PADI3: variants seen among roughly 807,000 people sequenced by gnomAD.
The protein encoded by PADI3 is protein-arginine deiminase type-3.
PADI3 carries 53 observed loss-of-function variants against 71.5 expected under a neutral mutation model. That is an observed-to-expected ratio of 0.74 (90% CI 0.59 to 0.93). The LOEUF is 0.93. PADI3 is among the 40% of genes least tolerant of loss of function. PADI3 has a pLI of 0.00. For synonymous variants in PADI3, 361 were observed against 347.5 expected (o/e 1.04, Z -0.43); for missense variants, 821 against 868.0 (o/e 0.95, Z 0.68).
chr1:17,251,001 C>T (rs2072959572), intron 1 of PADI3, among the ~76,000 whole-genome samples: 2 of 152,206 alleles, frequency 1.3e-5, no homozygotes, highest in African/African-American at 4.8e-5. Context: ...GCTCTGATAC[C>T]TTCAAATGAG....
intron 1 of PADI3, among the ~76,000 whole-genome samples, chr1:17,256,104 C>A (rs2073023846): frequency 6.6e-6 from 1 of 152,186 alleles, no homozygotes; most frequent in Admixed American, 6.5e-5. Flanking sequence ...CCTCTTGGTG[C>A]CTTCCCTGGG....
rs377335510 is a variant in PADI3 at position 17,276,770 on chromosome 1, G to A, written c.1453-4G>A. The A allele has an allele frequency of 2.2e-5, 36 of 1,613,622 alleles. No homozygotes were observed. In the African/African-American group the frequency reaches 2.9e-4, roughly 13 times the overall value. ...GCTCAGCTGAATCTGTTCTCTGCAC[G>A]CAGGGCTTCCGGATGCTCCTGGCCA... On this transcript the variant is annotated splice_region_variant and splice_polypyrimidine_tract_variant and intron_variant, in intron 12 of 15. Coordinates refer to ENST00000375460, the MANE Select transcript of PADI3 (RefSeq NM_016233.2).
At chr1:17,254,657 C>T (rs1286774798) in intron 1 of PADI3, among the ~76,000 whole-genome samples, 5 of 151,582 alleles carry the variant, frequency 3.3e-5, no homozygotes, top group East Asian at 1.9e-4. Flanking sequence ...GGGTGATACA[C>T]GAGGGGGATG....
Position 17,265,729 on chromosome 1 carries a change from C to T in PADI3, c.408+9C>T, listed in dbSNP as rs1054780957. On this transcript the variant is annotated intron_variant, in intron 4 of 15. Coordinates refer to ENST00000375460, the MANE Select transcript of PADI3 (RefSeq NM_016233.2). ...GGAACTTTGTAGACAAGGTAAGCATCTCTGCCTGGGCCCAGGAAGCAGGAG... is the reference window on the plus strand; with the variant it reads ...GGAACTTTGTAGACAAGGTAAGCATTTCTGCCTGGGCCCAGGAAGCAGGAG... 1.9e-6 allele frequency: 3 copies of T among 1,613,590 alleles called. No homozygotes were observed. Among genetic ancestry groups the T allele is most frequent in the Admixed American group, 1.7e-5 (1 of 60,020 alleles).
chr1:17,274,394 C>T (rs1049473753), intron 10 of PADI3, among the ~76,000 whole-genome samples: 5 of 152,262 alleles, frequency 3.3e-5, no homozygotes, highest in Non-Finnish European at 5.9e-5. Context: ...GCGCCCCCTG[C>T]TGTCTTGCCG....
Position 17,266,817 on chromosome 1 carries a change from G to A in PADI3, c.507G>A (p.Gln169=), listed in dbSNP as rs1388902402. 2 of 1,613,732 alleles carry A rather than the reference G, an allele frequency of 1.2e-6. No homozygotes were observed. Among genetic ancestry groups the A allele is most frequent in the African/African-American group, 2.7e-5 (2 of 74,904 alleles). The change falls in exon 5 of 16, where the codon CAG becomes CAA. Residue 169 remains glutamine (Q), a synonymous_variant. Coordinates refer to ENST00000375460, the MANE Select transcript of PADI3 (RefSeq NM_016233.2). ...PSCDVQDNCD[Q]HVHCLQDLED... ...GTGATGTCCAGGACAATTGTGACCA[G>A]CACGTGCACTGCCTGCAAGGTGAGG...
chr1:17,268,038 C>T lies in PADI3; in HGVS notation c.652+76C>T. 1.9e-6 allele frequency: 3 copies of T among 1,571,588 alleles called. No individual in the cohort carries two copies. In the South Asian group the frequency reaches 3.4e-5, roughly 18 times the overall value. On this transcript the variant is annotated intron_variant, in intron 6 of 15. Coordinates refer to ENST00000375460, the MANE Select transcript of PADI3 (RefSeq NM_016233.2). ...CTACCAGGGAACCTCCTGTTCCTGC[C>T]TTGGGCCATGGGCAGGTCCTGCTTA...
In PADI3 at chr1:17,283,114, C is replaced by CCCGCCCCA; in HGVS notation, c.*35_*36insCCGCCCCA. 2 of 1,548,784 alleles carry CCCGCCCCA rather than the reference C, an allele frequency of 1.3e-6. No homozygotes were observed. The highest frequency in any genetic ancestry group is 1.8e-6 in the Non-Finnish European group (2 of 1,123,584). ...CACCCACCATCCTGTCCCCCTGGGG[C>CCCGCCCCA]GGGCATTGGCCCAGGTGGTGGAGAC... On this transcript the variant is annotated 3_prime_UTR_variant, in exon 16 of 16. Coordinates refer to ENST00000375460, the MANE Select transcript of PADI3 (RefSeq NM_016233.2).
chr1:17,259,639 A>G lies in PADI3; in HGVS notation c.154A>G (p.Ile52Val), dbSNP rs3750300. 157,630 of 1,613,328 alleles carry G rather than the reference A, an allele frequency of 0.098. 8,568 individuals carry two copies. Among genetic ancestry groups the G allele is most frequent in the South Asian group, 0.2 (17,785 of 90,940 alleles). Residue 52 changes from isoleucine to valine, a missense_variant, in exon 2 of 16, where the codon ATC (isoleucine) becomes GTC (valine). Ile to Val is a conservative substitution (Grantham distance 29). Transcript: ENST00000375460. ...VYGTPGVDIYISPNMERGRER... is the reference protein window; with the variant it reads ...VYGTPGVDIYVSPNMERGRER... ...TGGGACGCCTGGCGTGGACATCTAC[A>G]TCTCTCCCAACATGGAGAGGGGCCG...
Position 17,282,900 on chromosome 1 carries a change from A to G in PADI3, c.1816A>G (p.Ile606Val). 4 of 1,614,088 alleles carry G rather than the reference A, an allele frequency of 2.5e-6. No individual in the cohort carries two copies. The highest frequency in any genetic ancestry group is 1.1e-5 in the South Asian group (1 of 91,078). The change falls in exon 16 of 16, where the codon ATC becomes GTC. Residue 606 changes from isoleucine (I) to valine (V), a missense_variant. Ile to Val is a conservative substitution (Grantham distance 29, BLOSUM62 3). Transcript: ENST00000375460. ...HLGIPKPFGP[I>V]INGCCCLEEK... is the part of the protein sequence containing the mutation. ...GGGCATCCCCAAGCCCTTTGGGCCCATCATCAATGGCTGCTGCTGCCTGGA... is the reference window on the plus strand; with the variant it reads ...GGGCATCCCCAAGCCCTTTGGGCCCGTCATCAATGGCTGCTGCTGCCTGGA...
At chr1:17,282,783 GGTAGA>G in intron 15 of PADI3, 58 bp from the exon 16 acceptor site, 1 of 1,245,410 alleles carries the variant, frequency 8.0e-7, no homozygotes, top group Middle Eastern at 2.5e-4. Context: ...AGGTCCTGCA[GGTAGA>G]GTAGAGGTGT....
At chr1:17,259,482 A>G (rs1569883924) in intron 1 of PADI3, 96 bp from the exon 2 acceptor site, 2 of 1,201,628 alleles carry the variant, frequency 1.7e-6, no homozygotes, top group Non-Finnish European at 2.3e-6. Flanking sequence ...TGGCCAAGGA[A>G]AGCTTCCTGG....
At chr1:17,275,664 G>C (rs1419696888) in intron 11 of PADI3, among the ~76,000 whole-genome samples, 1 of 152,220 alleles carries the variant, frequency 6.6e-6, no homozygotes, top group African/African-American at 2.4e-5. Context: ...ACACAGGGGT[G>C]CTGATGGAAA....
intron 2 of PADI3, among the ~76,000 whole-genome samples, chr1:17,260,206 G>A (rs542033015): frequency 6.6e-6 from 1 of 152,258 alleles, no homozygotes; most frequent in African/African-American, 2.4e-5. Flanking sequence ...GAGGGACACC[G>A]GTGCCTGGGA....
intron 9 of PADI3, 36 bp downstream of exon 9, chr1:17,271,214 G>A (rs200041897): frequency 6.7e-5 from 105 of 1,573,766 alleles, no homozygotes; most frequent in Admixed American, 1.4e-4. Context: ...CAGCAAGGAC[G>A]CCATCCTGGA....
chr1:17,271,034 T>C (rs1009632930), intron 8 of PADI3, 33 bp from the exon 9 acceptor site: 14 of 1,612,664 alleles, frequency 8.7e-6, no homozygotes, highest in Non-Finnish European at 1.2e-5. Flanking sequence ...CCCGGCTCCA[T>C]CCTGAGCCCC....
chr1:17,270,989 C>A lies in PADI3; in HGVS notation c.935+7C>A. The A allele has an allele frequency of 6.2e-7, 1 of 1,613,798 alleles. No homozygotes were observed. The highest frequency in any genetic ancestry group is 8.5e-7 in the Non-Finnish European group (1 of 1,179,764). On this transcript the variant is annotated splice_region_variant and intron_variant, in intron 8 of 15. Transcript: ENST00000375460. ...TAGAGGTGTATGTGTGCCGGTGAGT[C>A]TTGGGGCAGTGGGTGGTCCCTCTGG...
chr1:17,280,402 C>T lies in PADI3; in HGVS notation c.1608C>T (p.Asp536=). The part of the protein sequence containing the change: ...ISINQVLSNK[D]LINYNKFVQS... Reference sequence around the variant, plus strand: ...TCAACCAGGTGCTCTCCAATAAAGACCTCATCAACTACAATAAGTTTGTGC... The same window carrying T: ...TCAACCAGGTGCTCTCCAATAAAGATCTCATCAACTACAATAAGTTTGTGC... The change falls in exon 14 of 16, where the codon GAC becomes GAT. Residue 536 remains aspartate, a synonymous_variant. Coordinates refer to ENST00000375460, the MANE Select transcript of PADI3 (RefSeq NM_016233.2). The T allele has an allele frequency of 6.2e-7, 1 of 1,613,942 alleles. No homozygotes were observed. The highest frequency in any genetic ancestry group is 8.5e-7 in the Non-Finnish European group (1 of 1,179,794).
intron 1 of PADI3, among the ~76,000 whole-genome samples, chr1:17,255,460 G>T (rs914039767): frequency 6.6e-6 from 1 of 152,218 alleles, no homozygotes; most frequent in African/African-American, 2.4e-5. Flanking sequence ...GCACTGCCTA[G>T]AAAGCCCAGA....
Sources: allele counts gnomAD v4.1 joint callset (sites outside exome capture counted in the v4.1 genomes callset), GRCh38; gene constraint gnomAD v4.1.1; transcripts MANE v1.5; gene names NCBI Gene and HGNC (gene_info 2026-07-23, HGNC 2026-07-21).